MAP7: variants seen among roughly 807,000 people sequenced by gnomAD.
MAP7 encodes the protein microtubule associated protein 7.
MAP7 carries 52 observed loss-of-function variants against 94.8 expected under a neutral mutation model. The ratio of observed to expected loss-of-function variants is 0.55; its 90% confidence interval spans 0.44 to 0.69. The LOEUF (loss-of-function observed/expected upper bound fraction) is 0.69, where lower values mean the gene tolerates loss of function less well. MAP7 is among the 30% of genes least tolerant of loss of function. The probability of loss-of-function intolerance (pLI) is 0.00; values close to 1 mark genes in which losing one functional copy is unlikely to be tolerated. For synonymous variants in MAP7, 350 were observed against 357.0 expected, an observed-to-expected ratio of 0.98 and a Z score of 0.22; for missense variants, 940 against 964.6, an observed-to-expected ratio of 0.97 and a Z score of 0.34.
chr6:136,390,594 A>G (rs1256384237), intron 3 of MAP7, among the ~76,000 whole-genome samples: 4 of 152,204 alleles, frequency 2.6e-5, no homozygotes, highest in East Asian at 1.9e-4. Context: ...CGGATGTTGC[A>G]GCAAGCCAAG....
chr6:136,526,790 C>G (rs1030733913), intron 1 of MAP7: 2 of 568,850 alleles, frequency 3.5e-6, no homozygotes, highest in Non-Finnish European at 2.2e-6. Context: ...TTGCAAGCCC[C>G]TGGATGAATG....
chr6:136,431,460 C>T (rs1345492154), intron 1 of MAP7, among the ~76,000 whole-genome samples: 1 of 151,924 alleles, frequency 6.6e-6, no homozygotes, highest in Non-Finnish European at 1.5e-5. Flanking sequence ...CCATTCCATG[C>T]TGGTTACCCA....
At chr6:136,526,792 G>A (rs1562489217) in intron 1 of MAP7, 2 of 546,744 alleles carry the variant, frequency 3.7e-6, no homozygotes, top group Non-Finnish European at 4.6e-6. Context: ...GCAAGCCCCT[G>A]GATGAATGAA....
chr6:136,550,168 G>A lies in MAP7; in HGVS notation c.67+174C>T, dbSNP rs1015387430. Among the ~76,000 whole-genome samples the A allele has an allele frequency of 6.6e-6, 1 of 150,712 alleles. No homozygotes were observed. The highest frequency in any genetic ancestry group is 2.4e-5 in the African/African-American group (1 of 41,228). Reference sequence around the variant, plus strand: ...TGGCCGAGCCGCGGCGGCGAAGGGCGGGGGAAGGCGCTCTCGGAGCAGGGT... The same window carrying A: ...TGGCCGAGCCGCGGCGGCGAAGGGCAGGGGAAGGCGCTCTCGGAGCAGGGT... On this transcript the variant is annotated intron_variant, in intron 1 of 17. Transcript: ENST00000354570. This position sits in a 1 kb window ranked among gnomAD's most constrained non-coding sequence, Gnocchi z 5.1.
At chr6:136,524,840 C>T (rs1175920474) in intron 1 of MAP7, among the ~76,000 whole-genome samples, 2 of 152,194 alleles carry the variant, frequency 1.3e-5, no homozygotes, top group African/African-American at 2.4e-5. Flanking sequence ...TGCTACCTCT[C>T]TGCATCACAG....
intron 16 of MAP7, among the ~76,000 whole-genome samples, chr6:136,348,756 T>C (rs1788351062): frequency 1.3e-5 from 2 of 152,210 alleles, no homozygotes; most frequent in South Asian, 4.1e-4. Context: ...CCTGGGAATG[T>C]TACTTTTCCT....
At chr6:136,364,322 T>C in intron 10 of MAP7, 1 of 493,870 alleles carries the variant, frequency 2.0e-6, no homozygotes, top group Non-Finnish European at 4.0e-6. Flanking sequence ...TCATCTGCAA[T>C]GGAGGAGCTC....
In MAP7 at chr6:136,342,744, T is replaced by C. The variant is rs1786799625; in HGVS notation, c.*1484A>G. On this transcript the variant is annotated 3_prime_UTR_variant, in exon 18 of 18. Coordinates refer to ENST00000354570, the MANE Select transcript of MAP7 (RefSeq NM_003980.6). ...TGAGAAAGCTAAAAGTAAAACTATGTCAAACATTTTATTTGGTGTTTCATG... is the reference window on the plus strand; with the variant it reads ...TGAGAAAGCTAAAAGTAAAACTATGCCAAACATTTTATTTGGTGTTTCATG... 6.6e-6 allele frequency: 1 copy of C among 152,218 alleles called. No individual in the cohort carries two copies. The highest frequency in any genetic ancestry group is 2.1e-4 in the South Asian group (1 of 4,832). The allele number at this position is 152,218 out of a possible 1,614,324, so 9.4% of individuals were successfully genotyped here.
chr6:136,348,794 C>T (rs1266205933), intron 16 of MAP7, among the ~76,000 whole-genome samples: 1 of 152,088 alleles, frequency 6.6e-6, no homozygotes, highest in African/African-American at 2.4e-5. Context: ...CAATGATGAA[C>T]TCAAGATTTG....
At chr6:136,542,213 G>A (rs767615554) in intron 1 of MAP7, among the ~76,000 whole-genome samples, 5 of 152,130 alleles carry the variant, frequency 3.3e-5, no homozygotes, top group Admixed American at 6.5e-5. Context: ...GTCAACAACC[G>A]TAACTCAGAG....
chr6:136,532,695 G>A (rs1044592004), intron 1 of MAP7, among the ~76,000 whole-genome samples: 10 of 151,630 alleles, frequency 6.6e-5, no homozygotes, highest in African/African-American at 1.9e-4. Context: ...ATGGAAAGTC[G>A]AGTTATATAA....
At chr6:136,461,018 T>C (rs1039705975) in intron 1 of MAP7, among the ~76,000 whole-genome samples, 4 of 152,194 alleles carry the variant, frequency 2.6e-5, no homozygotes, top group African/African-American at 9.6e-5. Context: ...TAAAACCCTC[T>C]ATACAGCTGA....
chr6:136,514,580 CAAAAAA>C (rs1046225937), intron 1 of MAP7, among the ~76,000 whole-genome samples: 9,935 of 48,038 alleles, frequency 0.21, 222 homozygotes, highest in Non-Finnish European at 0.29. Flanking sequence ...GACTCTGTCT[CAAAAAA>C]AAAAAAAAAA....
rs561548193 is a variant in MAP7 at position 136,519,685 on chromosome 6, A to AT, written c.67+30656dup. 4.9e-4 allele frequency among the ~76,000 whole-genome samples: 74 copies of AT among 152,278 alleles called. 1 individual carries two copies. In the South Asian group the frequency reaches 8.1e-3, roughly 17 times the overall value. Reference sequence around the variant, plus strand: ...GTCACTGCAGGCTCCAGAAATACACATTTTAACAAAGTGGGGGCGGGGGAG... The same window carrying AT: ...GTCACTGCAGGCTCCAGAAATACACATTTTTAACAAAGTGGGGGCGGGGGAG... On this transcript the variant is annotated intron_variant, in intron 1 of 17. Transcript: ENST00000354570.
At position 136,541,265 on chromosome 6, in the gene MAP7, G is replaced by A. The variant is rs112377933; in HGVS notation, c.67+9077C>T. On this transcript the variant is annotated intron_variant, in intron 1 of 17. Coordinates refer to ENST00000354570, the MANE Select transcript of MAP7 (RefSeq NM_003980.6). ...GCCACCAAGTAGGCTTCATGATGAG[G>A]GGTGGAGGTGCTAAGGAAGGGCTCC... Among the ~76,000 whole-genome samples the A allele has an allele frequency of 9.3e-4, 142 of 152,228 alleles. 2 individuals carry two copies. Among genetic ancestry groups the A allele is most frequent in the Middle Eastern group, 3.4e-3 (1 of 294 alleles).
chr6:136,414,160 G>A (rs1582841319), intron 2 of MAP7, among the ~76,000 whole-genome samples: 1 of 147,462 alleles, frequency 6.8e-6, no homozygotes, highest in South Asian at 2.1e-4. Context: ...GGCTGAGGCA[G>A]GAGAATGGCG....
At chr6:136,394,331 T>C (rs1781679989) in intron 3 of MAP7, among the ~76,000 whole-genome samples, 1 of 152,172 alleles carries the variant, frequency 6.6e-6, no homozygotes, top group Non-Finnish European at 1.5e-5. Flanking sequence ...GACTGATTTT[T>C]ATTGAGCCTC....
Position 136,372,599 on chromosome 6 carries a change from A to T in MAP7, c.778T>A (p.Tyr260Asn), listed in dbSNP as rs1774882011. 2 of 1,614,054 alleles carry T rather than the reference A, an allele frequency of 1.2e-6. No homozygotes were observed. The highest frequency in any genetic ancestry group is 2.2e-5 in the South Asian group (2 of 91,084). ...AASCSPIIMPYKAAHSRNSMD... is the reference protein window; with the variant it reads ...AASCSPIIMPNKAAHSRNSMD... ...GAATTTCTAGAGTGTGCAGCTTTGT[A>T]GGGCATGATGATGGGGCTGCAAGAT... Residue 260 changes from tyrosine to asparagine, a missense_variant, in exon 8 of 18, where the codon TAC becomes AAC. Physicochemically the swap from Tyr to Asn is moderately radical, Grantham distance 143. Transcript: ENST00000354570.
chr6:136,412,012 G>A (rs915735331), intron 2 of MAP7, among the ~76,000 whole-genome samples: 4 of 152,050 alleles, frequency 2.6e-5, no homozygotes, highest in African/African-American at 9.7e-5. Context: ...TTATTTTTAT[G>A]CTTTAAAAAG....
Sources: gnomAD v4.1 joint callset for allele counts (sites outside exome capture counted in the v4.1 genomes callset) on GRCh38, gnomAD v4.1.1 for gene constraint, Gnocchi (gnomAD v3.1) non-coding constraint, MANE v1.5 for transcripts, NCBI Gene and HGNC (gene_info 2026-07-23, HGNC 2026-07-21) for gene names.